The following FNDC3B variants were observed in gnomAD, a reference collection of about 807,000 sequenced individuals.
The protein encoded by FNDC3B is fibronectin type III domain-containing protein 3B.
Under a neutral mutation model 151.5 loss-of-function variants are expected in FNDC3B, and 12 were observed. The observed-to-expected ratio is 0.08, with a 90% CI of 0.05 to 0.13. The LOEUF (loss-of-function observed/expected upper bound fraction) is 0.13. FNDC3B is among the 10% of genes least tolerant of loss of function. FNDC3B has a pLI of 1.00. For synonymous variants in FNDC3B, 528 were observed against 549.0 expected, an observed-to-expected ratio of 0.96 and a Z score of 0.54; for missense variants, 1,214 against 1,505.3, an observed-to-expected ratio of 0.81 and a Z score of 3.20.
At chr3:172,117,407 G>A (rs1373822028) in intron 2 of FNDC3B, among the ~76,000 whole-genome samples, 5 of 152,098 alleles carry the variant, frequency 3.3e-5, no homozygotes, top group Non-Finnish European at 5.9e-5. Context: ...GTTTGTTATG[G>A]ACTTCTGCAT....
rs377132421 is a variant in FNDC3B at position 172,240,869 on chromosome 3, A to G, written c.265-6664A>G. 1.1e-4 allele frequency among the ~76,000 whole-genome samples: 17 copies of G among 152,132 alleles called. No homozygotes were observed. In the East Asian group the frequency reaches 2.9e-3, roughly 26 times the overall value. On this transcript the variant is annotated intron_variant, in intron 4 of 25. Coordinates refer to ENST00000415807, the MANE Select transcript of FNDC3B (RefSeq NM_022763.4). ...TTTTGTTTTGATGATTCTCTTGGTCATATTTATAAGAACACTAGTATAAGA... is the reference window on the plus strand; with the variant it reads ...TTTTGTTTTGATGATTCTCTTGGTCGTATTTATAAGAACACTAGTATAAGA...
intron 3 of FNDC3B, among the ~76,000 whole-genome samples, chr3:172,213,766 A>C (rs2108717510): frequency 6.6e-6 from 1 of 152,220 alleles, no homozygotes; most frequent in East Asian, 1.9e-4. Context: ...TGTTTTGAGG[A>C]GCTAACTTTA....
At chr3:172,101,286 G>T (rs1043405687) in intron 1 of FNDC3B, among the ~76,000 whole-genome samples, 5 of 152,188 alleles carry the variant, frequency 3.3e-5, no homozygotes, top group African/African-American at 4.8e-5. Flanking sequence ...CAGATGAAAG[G>T]TTTCGTAGAG....
At chr3:172,045,612 A>G (rs1716324620) in intron 1 of FNDC3B, among the ~76,000 whole-genome samples, 1 of 152,170 alleles carries the variant, frequency 6.6e-6, no homozygotes, top group Non-Finnish European at 1.5e-5. Flanking sequence ...TAGAAATCAC[A>G]ATTGCCTTTT....
intron 1 of FNDC3B, among the ~76,000 whole-genome samples, chr3:172,049,937 A>G (rs1560382467): frequency 6.6e-6 from 1 of 152,240 alleles, no homozygotes; most frequent in Non-Finnish European, 1.5e-5. Flanking sequence ...TTGGAAATGC[A>G]TTAGGTGTTA....
At chr3:172,069,757 G>A (rs1447037830) in intron 1 of FNDC3B, among the ~76,000 whole-genome samples, 1 of 152,086 alleles carries the variant, frequency 6.6e-6, no homozygotes, top group Admixed American at 6.6e-5. Context: ...CAATTTAATT[G>A]GCCTTTTCCC....
chr3:172,197,534 C>T (rs1453959288), intron 3 of FNDC3B, among the ~76,000 whole-genome samples: 2 of 152,178 alleles, frequency 1.3e-5, no homozygotes, highest in Admixed American at 6.5e-5. Flanking sequence ...GAGGTTTCGG[C>T]GGTGAGCCCC....
intron 2 of FNDC3B, among the ~76,000 whole-genome samples, chr3:172,119,448 A>G (rs1345921909): frequency 6.6e-6 from 1 of 151,098 alleles, no homozygotes; most frequent in Non-Finnish European, 1.5e-5. Flanking sequence ...TGGATTGCAG[A>G]GTGTCACAGT....
intron 6 of FNDC3B, among the ~76,000 whole-genome samples, chr3:172,264,683 A>G (rs888091738): frequency 2.0e-5 from 3 of 152,178 alleles, no homozygotes; most frequent in African/African-American, 7.2e-5. Context: ...TGCATTTTGA[A>G]CTGGGTAAGG....
intron 3 of FNDC3B, among the ~76,000 whole-genome samples, chr3:172,216,463 T>C (rs1458167527): frequency 6.6e-6 from 1 of 152,114 alleles, no homozygotes; most frequent in Non-Finnish European, 1.5e-5. Flanking sequence ...GGCCAGGAGT[T>C]GAAGGCCAGC....
intron 7 of FNDC3B, among the ~76,000 whole-genome samples, chr3:172,290,889 G>T (rs970850329): frequency 6.6e-6 from 1 of 152,094 alleles, no homozygotes; most frequent in African/African-American, 2.4e-5. Flanking sequence ...TATTTGTGTG[G>T]TAATATTTCC....
chr3:172,367,774 G>T (rs1734703556), intron 23 of FNDC3B, among the ~76,000 whole-genome samples: 1 of 152,172 alleles, frequency 6.6e-6, no homozygotes, highest in African/African-American at 2.4e-5. Flanking sequence ...TAAATTCCAG[G>T]AATGCATTTA....
intron 10 of FNDC3B, among the ~76,000 whole-genome samples, chr3:172,310,533 C>A (rs1249399890): frequency 4.6e-5 from 7 of 152,146 alleles, no homozygotes. Flanking sequence ...AAGTCCTATC[C>A]CCAGAGGAAG....
intron 1 of FNDC3B, among the ~76,000 whole-genome samples, chr3:172,108,969 C>T (rs1719819140): frequency 6.6e-6 from 1 of 152,106 alleles, no homozygotes. Flanking sequence ...TAATTCATTT[C>T]TTTGTATGTC....
Position 172,208,841 on chromosome 3 carries a change from A to C in FNDC3B, c.188-18030A>C, listed in dbSNP as rs370030116. 9.2e-5 allele frequency among the ~76,000 whole-genome samples: 14 copies of C among 152,236 alleles called. No individual in the cohort carries two copies. In the East Asian group the frequency reaches 2.3e-3, roughly 25 times the overall value. Reference sequence around the variant, plus strand: ...CAGGGTCCGGCCACTGTGCACAGCTAGGCATTCTGGCTGTTGCAGTGGGGT... The same window carrying C: ...CAGGGTCCGGCCACTGTGCACAGCTCGGCATTCTGGCTGTTGCAGTGGGGT... On this transcript the variant is annotated intron_variant, in intron 3 of 25. Transcript: ENST00000415807.
intron 11 of FNDC3B, among the ~76,000 whole-genome samples, chr3:172,319,128 T>C (rs1049978931): frequency 6.6e-6 from 1 of 152,222 alleles, no homozygotes; most frequent in African/African-American, 2.4e-5. Context: ...TGAGGCTAAA[T>C]TATAAATCTC....
chr3:172,281,120 A>G (rs2108817312), intron 6 of FNDC3B, among the ~76,000 whole-genome samples: 1 of 152,048 alleles, frequency 6.6e-6, no homozygotes, highest in East Asian at 1.9e-4. Flanking sequence ...TCCTTTTCAA[A>G]AACTTTCCTA....
At chr3:172,130,318 T>C (rs781057220) in intron 2 of FNDC3B, among the ~76,000 whole-genome samples, 2 of 152,160 alleles carry the variant, frequency 1.3e-5, no homozygotes, top group Non-Finnish European at 2.9e-5. Flanking sequence ...CTGAGAAAAA[T>C]TGATATTGGG....
chr3:172,140,604 C>T (rs949965474), intron 3 of FNDC3B, among the ~76,000 whole-genome samples: 1 of 152,188 alleles, frequency 6.6e-6, no homozygotes, highest in Non-Finnish European at 1.5e-5. Context: ...TGGTTTCCAC[C>T]AGGGCCGGAA....
Sources: gnomAD v4.1 joint callset for allele counts (sites outside exome capture counted in the v4.1 genomes callset) on GRCh38, gnomAD v4.1.1 for gene constraint, MANE v1.5 for transcripts, NCBI Gene and HGNC (gene_info 2026-07-23, HGNC 2026-07-21) for gene names.